The following MTMR10 variants were observed in gnomAD, a reference collection of about 807,000 sequenced individuals.
The protein encoded by MTMR10 is myotubularin-related protein 10.
In MTMR10, 56 loss-of-function variants were observed where a neutral mutation model predicts 88.1. The observed-to-expected ratio is 0.64, with a 90% CI of 0.51 to 0.79. The LOEUF is 0.79. Ranked by LOEUF, MTMR10 falls within the 30% of genes least tolerant of loss-of-function variation. The probability of loss-of-function intolerance (pLI) is 0.00; values close to 1 mark genes in which losing one functional copy is unlikely to be tolerated. For synonymous variants in MTMR10, 380 were observed against 340.9 expected, an observed-to-expected ratio of 1.11 and a Z score of -1.26; for missense variants, 883 against 924.7, an observed-to-expected ratio of 0.95 and a Z score of 0.58.
chr15:30,960,935 C>G lies in MTMR10; in HGVS notation c.704G>C (p.Gly235Ala). Residue 235 changes from glycine to alanine, a missense_variant, in exon 7 of 16, where the codon GGT becomes GCT. Physicochemically the swap from Gly to Ala is moderately conservative, Grantham distance 60. Around this residue, in one of 3 missense-constraint regions of MTMR10, gnomAD observed 414 missense variants for 423.2 expected, o/e 0.98. Transcript: ENST00000435680. ...SDWDREIKRT[G>A]ASGWRVCSIN... ...AGAACAAACTCTCCACCCGGAAGCA[C>G]CTGTCCTCTTGATTTCTCTGTCCCA... The G allele has an allele frequency of 3.7e-6, 6 of 1,612,776 alleles. No homozygotes were observed. The highest frequency in any genetic ancestry group is 5.1e-6 in the Non-Finnish European group (6 of 1,179,306).
chr15:30,988,090 C>T (rs2031068945), intron 2 of MTMR10, among the ~76,000 whole-genome samples: 1 of 152,146 alleles, frequency 6.6e-6, no homozygotes, highest in Admixed American at 6.5e-5. Context: ...CGGTAACTTT[C>T]CACTTGTCTT....
At chr15:30,955,308 T>C (rs2063307028) in intron 9 of MTMR10, among the ~76,000 whole-genome samples, 1 of 152,226 alleles carries the variant, frequency 6.6e-6, no homozygotes, top group Admixed American at 6.5e-5. Context: ...TCTCATACTG[T>C]CGCCCAGGCT....
intron 6 of MTMR10, among the ~76,000 whole-genome samples, chr15:30,963,190 C>A (rs1423492862): frequency 1.3e-5 from 2 of 152,190 alleles, no homozygotes; most frequent in Non-Finnish European, 2.9e-5. Flanking sequence ...TTAACAGCCA[C>A]ATGTGGCTAG....
chr15:30,978,380 G>A (rs1411859110), intron 2 of MTMR10, among the ~76,000 whole-genome samples: 1 of 152,214 alleles, frequency 6.6e-6, no homozygotes, highest in Non-Finnish European at 1.5e-5. Flanking sequence ...TGTGAAAAGA[G>A]TGCTGAATGC....
At chr15:30,959,400 T>C (rs534443266) in intron 7 of MTMR10, among the ~76,000 whole-genome samples, 23 of 152,346 alleles carry the variant, frequency 1.5e-4, no homozygotes, top group Non-Finnish European at 3.1e-4. Flanking sequence ...AACATGTATG[T>C]GTTCACTGAA....
intron 6 of MTMR10, among the ~76,000 whole-genome samples, chr15:30,967,250 T>A (rs1245462093): frequency 6.6e-6 from 1 of 152,158 alleles, no homozygotes; most frequent in Non-Finnish European, 1.5e-5. Context: ...TTTTTCTCTA[T>A]CAAGATATTT....
At chr15:30,928,452 TTGAGTG>T in the MTMR10 span, 7 of 1,521,318 alleles carry the variant, frequency 4.6e-6, no homozygotes, top group Non-Finnish European at 6.1e-6. Flanking sequence ...TTTCTTGAAA[TTGAGTG>T]TGCAGTAGGT....
At chr15:30,929,151 A>T in the MTMR10 span, 1 of 1,545,302 alleles carries the variant, frequency 6.5e-7, no homozygotes, top group Non-Finnish European at 8.8e-7. Context: ...TCCTCTGGTG[A>T]ACACGGCTCT....
At chr15:30,946,435 G>C (rs1468771889) in intron 14 of MTMR10, 1 of 310,384 alleles carries the variant, frequency 3.2e-6, no homozygotes, top group Non-Finnish European at 5.9e-6. Flanking sequence ...ACCAGGGCCA[G>C]AACTCAGGTT....
In MTMR10 at chr15:30,940,948, A is replaced by G. The variant is rs1214278577; in HGVS notation, c.*522T>C. 3.2e-5 allele frequency: 35 copies of G among 1,090,794 alleles called. No individual in the cohort carries two copies. Among genetic ancestry groups the G allele is most frequent in the Non-Finnish European group, 3.8e-5 (34 of 891,622 alleles). The allele number at this position is 1,090,794 out of a possible 1,614,324, so 67.6% of individuals were successfully genotyped here. On this transcript the variant is annotated 3_prime_UTR_variant, in exon 16 of 16. Transcript: ENST00000435680. ...AACACAGTGATCTAAGGTTCCAAAGAAGGTGATCTAAAATCATAAATTCTG... is the reference window on the plus strand; with the variant it reads ...AACACAGTGATCTAAGGTTCCAAAGGAGGTGATCTAAAATCATAAATTCTG...
chr15:30,952,006 T>C lies in MTMR10; in HGVS notation c.1169A>G (p.Tyr390Cys), dbSNP rs758899479. 2 of 1,613,942 alleles carry C rather than the reference T, an allele frequency of 1.2e-6. No individual in the cohort carries two copies. Among genetic ancestry groups the C allele is most frequent in the African/African-American group, 2.7e-5 (2 of 75,066 alleles). The change falls in exon 12 of 16, where the codon TAC (tyrosine) becomes TGC (cysteine). Residue 390 changes from tyrosine (Y) to cysteine (C), a missense_variant. Tyr to Cys is a radical substitution (Grantham distance 194, BLOSUM62 -2). Around this residue, in one of 3 missense-constraint regions of MTMR10, gnomAD observed 126 missense variants for 178.2 expected, o/e 0.71. Coordinates refer to ENST00000435680, the MANE Select transcript of MTMR10 (RefSeq NM_017762.3). Reference protein sequence around the residue: ...AFLKHSAELVYMLESKHLSVV... With the variant: ...AFLKHSAELVCMLESKHLSVV... The stretch of plus-strand genomic sequence containing the variant: ...AGAGAGATGTTTGCTTTCTAGCATG[T>C]ATACAAGTTCTGCTGAATGCTTAAG...
chr15:30,949,170 T>A (rs2063210004), intron 12 of MTMR10: 1 of 152,248 alleles, frequency 6.6e-6, no homozygotes, highest in African/African-American at 2.4e-5. Context: ...CAATTCTACC[T>A]TCATTCCTGA....
At chr15:30,990,594 CA>C (rs1566974017) in intron 2 of MTMR10, among the ~76,000 whole-genome samples, 182 bp downstream of exon 2, 1 of 152,146 alleles carries the variant, frequency 6.6e-6, no homozygotes, top group Non-Finnish European at 1.5e-5. Context: ...ATTCGGGAGA[CA>C]AAAAAGGAAA....
At position 30,979,543 on chromosome 15, in the gene MTMR10, A is replaced by G. The variant is rs143489520; in HGVS notation, c.122-2588T>C. ...CAGTGCACTCCAGACTGGGCAACAG[A>G]GCTAGACTCCATCTCAAAAAAAAAA... On this transcript the variant is annotated intron_variant, in intron 2 of 15. Transcript: ENST00000435680. 8.5e-3 allele frequency among the ~76,000 whole-genome samples: 1,301 copies of G among 152,168 alleles called. 13 individuals are homozygous for G. Among genetic ancestry groups the G allele is most frequent in the Non-Finnish European group, 0.015 (993 of 68,002 alleles).
At chr15:30,938,515 G>GT (rs1250210765), downstream of MTMR10, among the ~76,000 whole-genome samples, 1 of 152,102 alleles carries the variant, frequency 6.6e-6, no homozygotes, top group African/African-American at 2.4e-5. Flanking sequence ...CTAGATAGGG[G>GT]TATTTTCTCT....
At chr15:30,983,617 G>A (rs1342624918) in intron 2 of MTMR10, among the ~76,000 whole-genome samples, 1 of 152,216 alleles carries the variant, frequency 6.6e-6, no homozygotes, top group Non-Finnish European at 1.5e-5. Context: ...TAATTAACCT[G>A]TGGGATGTGT....
rs749887091 is a variant in MTMR10 at position 30,942,040 on chromosome 15, C to T, written c.1764G>A (p.Pro588=). The change falls in exon 16 of 16, where the codon CCG becomes CCA. Residue 588 remains proline (P), a synonymous_variant. Transcript: ENST00000435680. ...TGATGATTCCATTCTTTAAGGCAGA[C>T]GGCATTCCTCTTAGTGTGGAGCTGT... ...KSYSSTLRGM[P]SALKNGIISD... The T allele has an allele frequency of 3.0e-5, 48 of 1,613,764 alleles. No homozygotes were observed. Among genetic ancestry groups the T allele is most frequent in the African/African-American group, 2.3e-4 (17 of 74,886 alleles).
chr15:30,966,848 A>G (rs957545607), intron 6 of MTMR10, among the ~76,000 whole-genome samples: 28 of 142,510 alleles, frequency 2.0e-4, no homozygotes, highest in Admixed American at 8.3e-4. Flanking sequence ...TATTATCTCT[A>G]CTGTATTTTC....
the MTMR10 span, among the ~76,000 whole-genome samples, chr15:30,933,318 T>C: frequency 1.3e-5 from 2 of 152,218 alleles, no homozygotes; most frequent in East Asian, 3.8e-4. Flanking sequence ...ATTTAGTAGT[T>C]GTTTTCATTT....
Sources: gnomAD v4.1 joint callset for allele counts (sites outside exome capture counted in the v4.1 genomes callset) on GRCh38, gnomAD v4.1.1 for gene constraint, gnomAD v4.1.1 regional missense constraint, MANE v1.5 for transcripts, NCBI Gene and HGNC (gene_info 2026-07-23, HGNC 2026-07-21) for gene names.